The following CAMK1D variants were observed in gnomAD, a reference collection of about 807,000 sequenced individuals.
CAMK1D encodes the protein calcium/calmodulin-dependent protein kinase type 1D.
In CAMK1D, 9 loss-of-function variants were observed where a neutral mutation model predicts 47.7. That is an observed-to-expected ratio of 0.19 (90% CI 0.11 to 0.33). CAMK1D has a LOEUF of 0.33. CAMK1D is among the 10% of genes least tolerant of loss of function. CAMK1D has a pLI of 1.00. For missense variants in CAMK1D, 291 were observed against 488.7 expected, an observed-to-expected ratio of 0.60 and a Z score of 3.81; for synonymous variants, 184 against 184.9, an observed-to-expected ratio of 0.99 and a Z score of 0.04.
chr10:12,768,121 C>T (rs1350808499), intron 4 of CAMK1D, among the ~76,000 whole-genome samples: 1 of 152,222 alleles, frequency 6.6e-6, no homozygotes, highest in Non-Finnish European at 1.5e-5. Context: ...GATCCACCTG[C>T]CTTGGCCTCC....
At chr10:12,606,317 G>A (rs1024232065) in intron 2 of CAMK1D, among the ~76,000 whole-genome samples, 5 of 152,120 alleles carry the variant, frequency 3.3e-5, no homozygotes, top group African/African-American at 1.2e-4. Flanking sequence ...GATGCCAGGC[G>A]ACCCCGGCAC....
At chr10:12,734,391 GATATATATAT>G (rs1232057007) in intron 3 of CAMK1D, among the ~76,000 whole-genome samples, 2 of 24,346 alleles carry the variant, frequency 8.2e-5, no homozygotes, top group South Asian at 1.8e-3. Flanking sequence ...TATAGATATA[GATATATATAT>G]ATATACACAC....
At chr10:12,823,601 A>G (rs948673619) in intron 8 of CAMK1D, among the ~76,000 whole-genome samples, 3 of 151,930 alleles carry the variant, frequency 2.0e-5, no homozygotes, top group African/African-American at 7.3e-5. Context: ...CAGCAGAGGG[A>G]GGAAAGAGTG....
chr10:12,628,520 T>C (rs1441638570), intron 2 of CAMK1D, among the ~76,000 whole-genome samples: 1 of 152,074 alleles, frequency 6.6e-6, no homozygotes, highest in Non-Finnish European at 1.5e-5. Context: ...CAATTTGCCC[T>C]ATTATTAACA....
chr10:12,798,011 G>A (rs964148031), intron 6 of CAMK1D, among the ~76,000 whole-genome samples: 2 of 152,168 alleles, frequency 1.3e-5, no homozygotes, highest in East Asian at 1.9e-4. Context: ...ACTCCCTGCC[G>A]GTGACCTCAG....
intron 3 of CAMK1D, among the ~76,000 whole-genome samples, chr10:12,699,800 C>T (rs1364068902): frequency 6.6e-6 from 1 of 152,098 alleles, no homozygotes; most frequent in Non-Finnish European, 1.5e-5. Context: ...ATAAACTTTT[C>T]ATAAGGCATC....
At chr10:12,465,172 A>C (rs757885029) in intron 1 of CAMK1D, among the ~76,000 whole-genome samples, 4 of 152,026 alleles carry the variant, frequency 2.6e-5, no homozygotes, top group Non-Finnish European at 4.4e-5. Context: ...TTCTTTACCA[A>C]CTCTGATAAG....
chr10:12,467,773 G>C (rs1397856039), intron 1 of CAMK1D, among the ~76,000 whole-genome samples: 1 of 152,096 alleles, frequency 6.6e-6, no homozygotes, highest in Admixed American at 6.5e-5. Flanking sequence ...ACCCAGGCTG[G>C]GTTTGTGTAA....
intron 2 of CAMK1D, among the ~76,000 whole-genome samples, chr10:12,626,385 C>T (rs1421101502): frequency 1.3e-5 from 2 of 151,898 alleles, no homozygotes; most frequent in African/African-American, 4.8e-5. Context: ...TGCTCCGTTC[C>T]TTCCCAGCTC....
chr10:12,790,052 A>G (rs1279055540), intron 5 of CAMK1D, among the ~76,000 whole-genome samples: 1 of 152,238 alleles, frequency 6.6e-6, no homozygotes, highest in Non-Finnish European at 1.5e-5. Context: ...ACAGGGAGTC[A>G]GGATCAGTAT....
chr10:12,496,967 C>T (rs1334805640), intron 1 of CAMK1D, among the ~76,000 whole-genome samples: 1 of 152,166 alleles, frequency 6.6e-6, no homozygotes, highest in Non-Finnish European at 1.5e-5. Flanking sequence ...TCAGCTCCCA[C>T]TTATAAGTGA....
intron 5 of CAMK1D, 23 bp from the exon 6 acceptor site, chr10:12,791,135 G>A (rs771309408): frequency 6.2e-7 from 1 of 1,612,586 alleles, no homozygotes; most frequent in African/African-American, 1.3e-5. Flanking sequence ...GTCAGGCTGT[G>A]TCTTTTCTTT....
intron 5 of CAMK1D, among the ~76,000 whole-genome samples, chr10:12,790,481 G>C (rs1325754337): frequency 2.6e-4 from 39 of 152,252 alleles, no homozygotes; most frequent in Non-Finnish European, 1.0e-4. Context: ...ACCTCAAAAT[G>C]AGTATTTCTT....
At chr10:12,453,730 C>A (rs951542148) in intron 1 of CAMK1D, among the ~76,000 whole-genome samples, 2 of 152,308 alleles carry the variant, frequency 1.3e-5, no homozygotes, top group Admixed American at 6.5e-5. Flanking sequence ...CATGGACTTA[C>A]CTGAACTGCT....
chr10:12,385,991 C>T (rs1222567262), intron 1 of CAMK1D, among the ~76,000 whole-genome samples: 1 of 152,156 alleles, frequency 6.6e-6, no homozygotes, highest in Non-Finnish European at 1.5e-5. Context: ...GGTGATCCAC[C>T]TGCCTTGGCC....
chr10:12,665,606 A>G (rs1840404173), intron 2 of CAMK1D, among the ~76,000 whole-genome samples: 1 of 152,234 alleles, frequency 6.6e-6, no homozygotes, highest in Non-Finnish European at 1.5e-5. Context: ...TGAGAGGCTT[A>G]TGGTAAGAGC....
rs188973465 is a variant in CAMK1D, at chr10:12,355,483, C to T, written c.92+5573C>T. Among the ~76,000 whole-genome samples the T allele has an allele frequency of 1.7e-3, 261 of 150,256 alleles. 3 individuals are homozygous for T. Among genetic ancestry groups the T allele is most frequent in the African/African-American group, 6.1e-3 (249 of 40,924 alleles). ...GTGCGTGTGTGTGTGTGTGCGCGCG[C>T]GTGCGTGTGTATGTGTGTGTGGTGG... On this transcript the variant is annotated intron_variant, in intron 1 of 10. Coordinates refer to ENST00000619168, the MANE Select transcript of CAMK1D (RefSeq NM_153498.4).
At chr10:12,613,030 G>A (rs1347586820) in intron 2 of CAMK1D, among the ~76,000 whole-genome samples, 1 of 152,038 alleles carries the variant, frequency 6.6e-6, no homozygotes, top group Non-Finnish European at 1.5e-5. Flanking sequence ...TCTGTCCCTC[G>A]ATCATTGGCA....
At chr10:12,377,220 C>T (rs961071454) in intron 1 of CAMK1D, among the ~76,000 whole-genome samples, 21 of 151,250 alleles carry the variant, frequency 1.4e-4, no homozygotes, top group African/African-American at 4.7e-4. Flanking sequence ...AAATGTTCTT[C>T]CCAGTGTTCT....
Sources: gnomAD v4.1 joint callset for allele counts (sites outside exome capture counted in the v4.1 genomes callset) on GRCh38, gnomAD v4.1.1 for gene constraint, MANE v1.5 for transcripts, NCBI Gene and HGNC (gene_info 2026-07-23, HGNC 2026-07-21) for gene names.